INPP5A: variants seen among roughly 807,000 people sequenced by gnomAD.
INPP5A encodes the protein inositol polyphosphate-5-phosphatase A, also known as 43 kDa inositol polyphosphate 5-phophatase.
In INPP5A, 14 loss-of-function variants were observed where a neutral mutation model predicts 65.2. That is an observed-to-expected ratio of 0.21 (90% CI 0.14 to 0.34). The LOEUF (loss-of-function observed/expected upper bound fraction) is 0.34. INPP5A is among the 10% of genes least tolerant of loss of function. The pLI, the probability that INPP5A is intolerant of heterozygous loss-of-function variation, is 1.00. For synonymous variants in INPP5A, 207 were observed against 208.3 expected (o/e 0.99, Z 0.05); for missense variants, 431 against 545.6 (o/e 0.79, Z 2.09).
At chr10:132,769,321 C>T (rs1281389478) in intron 12 of INPP5A, among the ~76,000 whole-genome samples, 3 of 152,242 alleles carry the variant, frequency 2.0e-5, no homozygotes, top group Non-Finnish European at 4.4e-5. Flanking sequence ...GGGACAGCCA[C>T]AAAAGTGACC....
At chr10:132,755,323 G>A (rs972611316) in intron 11 of INPP5A, among the ~76,000 whole-genome samples, 1 of 149,250 alleles carries the variant, frequency 6.7e-6, no homozygotes, top group African/African-American at 2.5e-5. Flanking sequence ...TTGAGTGGGC[G>A]AGTGTGTGAG....
chr10:132,563,187 G>A (rs56137952), intron 1 of INPP5A, among the ~76,000 whole-genome samples: 13,275 of 152,270 alleles, frequency 0.087, 770 homozygotes, highest in East Asian at 0.23. Context: ...CACACTTGGC[G>A]GCTGTGAGTT....
At chr10:132,769,106 C>T (rs1338427925) in intron 12 of INPP5A, among the ~76,000 whole-genome samples, 1 of 152,222 alleles carries the variant, frequency 6.6e-6, no homozygotes. Context: ...GTGTCATTGG[C>T]GGATGGTTCT....
chr10:132,567,573 C>G (rs1383409059), intron 1 of INPP5A, among the ~76,000 whole-genome samples: 1 of 152,204 alleles, frequency 6.6e-6, no homozygotes, highest in African/African-American at 2.4e-5. Flanking sequence ...ACACGGGACA[C>G]TACTGTTGAC....
rs965282587 is a variant in INPP5A at position 132,650,019 on chromosome 10, C to A, written c.219-399C>A. ...GGGCCCTGGGGTGCATGTGCCCCAA[C>A]CTGTGTGTGCTGGTGGCTACTGGGG... On this transcript the variant is annotated intron_variant, in intron 3 of 15. Transcript: ENST00000368594. This position sits in a 1 kb window ranked among gnomAD's most constrained non-coding sequence, Gnocchi z 5.5. Among the ~76,000 whole-genome samples the A allele has an allele frequency of 6.6e-6, 1 of 152,172 alleles. No homozygotes were observed. The highest frequency in any genetic ancestry group is 1.5e-5 in the Non-Finnish European group (1 of 68,022).
At chr10:132,721,663 C>G (rs991114632) in intron 8 of INPP5A, among the ~76,000 whole-genome samples, 1 of 150,958 alleles carries the variant, frequency 6.6e-6, no homozygotes, top group African/African-American at 2.5e-5. Flanking sequence ...TGGGTTCTGT[C>G]TGGGCACCTT....
intron 11 of INPP5A, among the ~76,000 whole-genome samples, chr10:132,759,970 AGCCAC>A (rs903697735): frequency 1.3e-5 from 2 of 152,152 alleles, no homozygotes; most frequent in African/African-American, 4.8e-5. Context: ...TTCGGTGCTC[AGCCAC>A]GCAGCACCGT....
intron 2 of INPP5A, among the ~76,000 whole-genome samples, chr10:132,611,287 T>G (rs1402377688): frequency 3.8e-4 from 28 of 73,342 alleles, no homozygotes; most frequent in South Asian, 9.7e-4. Context: ...ATGAGGGAGG[T>G]GAGGTGGGCA....
chr10:132,690,676 GCTTT>G (rs1845244049), intron 5 of INPP5A, among the ~76,000 whole-genome samples: 1 of 152,166 alleles, frequency 6.6e-6, no homozygotes, highest in African/African-American at 2.4e-5. Context: ...TGGGGACCTG[GCTTT>G]CCTAGAGTTG....
chr10:132,716,173 G>A (rs1311853055), intron 8 of INPP5A, among the ~76,000 whole-genome samples: 8 of 152,230 alleles, frequency 5.3e-5, no homozygotes, highest in African/African-American at 1.7e-4. Flanking sequence ...CACGTTCTCC[G>A]CATGTTTCCT....
intron 9 of INPP5A, 30 bp from the exon 10 acceptor site, chr10:132,749,487 G>A (rs371419913): frequency 1.4e-5 from 22 of 1,606,832 alleles, no homozygotes; most frequent in Admixed American, 6.7e-5. Flanking sequence ...GGCCCCCCTG[G>A]GACTTATCTC....
chr10:132,736,493 C>G (rs987054566), intron 9 of INPP5A, among the ~76,000 whole-genome samples: 1 of 152,232 alleles, frequency 6.6e-6, no homozygotes, highest in African/African-American at 2.4e-5. Context: ...CAGAAGGAGC[C>G]GTCCTCGGAG....
rs375557022 is a variant in INPP5A at position 132,587,339 on chromosome 10, C to T, written c.76-20576C>T. 3.9e-5 allele frequency among the ~76,000 whole-genome samples: 6 copies of T among 152,114 alleles called. No homozygotes were observed. Among genetic ancestry groups the T allele is most frequent in the East Asian group, 3.9e-4 (2 of 5,156 alleles). On this transcript the variant is annotated intron_variant, in intron 1 of 15. Transcript: ENST00000368594. This position sits in a 1 kb window ranked among gnomAD's most constrained non-coding sequence, Gnocchi z 4.3. Reference sequence around the variant, plus strand: ...ATCCTCACAGGGGTGGCAGGGGGTCCGATTGAGGAGCAGTTGGGTGGCCCA... The same window carrying T: ...ATCCTCACAGGGGTGGCAGGGGGTCTGATTGAGGAGCAGTTGGGTGGCCCA...
rs1342293889 is a variant in INPP5A at position 132,650,509 on chromosome 10, A to AGTCCCTCCCGCTGCCTGGTGC, written c.306+5_306+25dup. ...CAAATCCCAGGAGCACTTCACGGTG[A>AGTCCCTCCCGCTGCCTGGTGC]GTCCCTCCCGCTGCCTGGTGCAGGG... On this transcript the variant is annotated splice_donor_region_variant and intron_variant, in intron 4 of 15. Transcript: ENST00000368594. This position sits in a 1 kb window ranked among gnomAD's most constrained non-coding sequence, Gnocchi z 5.5. The AGTCCCTCCCGCTGCCTGGTGC allele has an allele frequency of 6.2e-7, 1 of 1,606,936 alleles. No individual in the cohort carries two copies. The highest frequency in any genetic ancestry group is 8.5e-7 in the Non-Finnish European group (1 of 1,174,160).
chr10:132,728,217 C>T (rs1421860441), intron 9 of INPP5A, among the ~76,000 whole-genome samples: 1 of 152,198 alleles, frequency 6.6e-6, no homozygotes, highest in Non-Finnish European at 1.5e-5. Context: ...AGGGCCTCTG[C>T]GTGTGGTGGG....
At chr10:132,711,784 A>G (rs780300730) in intron 8 of INPP5A, among the ~76,000 whole-genome samples, 3 of 152,196 alleles carry the variant, frequency 2.0e-5, no homozygotes, top group Non-Finnish European at 4.4e-5. Flanking sequence ...CCAGGCCACC[A>G]CTGTCCCTGG....
intron 1 of INPP5A, among the ~76,000 whole-genome samples, chr10:132,570,849 T>C (rs2071332037): frequency 6.6e-6 from 1 of 152,180 alleles, no homozygotes; most frequent in African/African-American, 2.4e-5. Context: ...CCAGTGAGCT[T>C]CGTGCTGCGA....
At position 132,650,510 on chromosome 10, in the gene INPP5A, GTCCC is replaced by G. The variant is rs573456499; in HGVS notation, c.306+10_306+13del. On this transcript the variant is annotated splice_donor_region_variant and intron_variant, in intron 4 of 15. Coordinates refer to ENST00000368594, the MANE Select transcript of INPP5A (RefSeq NM_005539.5). The surrounding 1 kb of genome is among the most constrained non-coding windows in gnomAD (Gnocchi z 5.5). The stretch of plus-strand genomic sequence containing the variant: ...AAATCCCAGGAGCACTTCACGGTGA[GTCCC>G]TCCCGCTGCCTGGTGCAGGGGTCAG... 7,837 of 1,605,928 alleles carry G rather than the reference GTCCC, an allele frequency of 4.9e-3. 28 individuals are homozygous for G. Among genetic ancestry groups the G allele is most frequent in the Non-Finnish European group, 5.5e-3 (6,427 of 1,173,316 alleles).
At chr10:132,582,116 GGTATGA>G (rs2071491669) in intron 1 of INPP5A, among the ~76,000 whole-genome samples, 1 of 152,116 alleles carries the variant, frequency 6.6e-6, no homozygotes, top group Admixed American at 6.6e-5. Context: ...TGAGATTACA[GGTATGA>G]GCCACTGCGC....
Sources: gnomAD v4.1 joint callset for allele counts (sites outside exome capture counted in the v4.1 genomes callset) on GRCh38, gnomAD v4.1.1 for gene constraint, Gnocchi (gnomAD v3.1) non-coding constraint, MANE v1.5 for transcripts, NCBI Gene and HGNC (gene_info 2026-07-23, HGNC 2026-07-21) for gene names.